The following PARN variants were observed in gnomAD, a reference collection of about 807,000 sequenced individuals.
PARN encodes the protein poly(A)-specific ribonuclease, also known as poly(A)-specific ribonuclease PARN.
In PARN, 71 loss-of-function variants were observed where a neutral mutation model predicts 102.8. That is an observed-to-expected ratio of 0.69 (90% CI 0.57 to 0.84). PARN has a LOEUF of 0.84. Ranked by LOEUF, PARN falls within the 40% of genes least tolerant of loss-of-function variation. The probability of loss-of-function intolerance (pLI) is 0.00; values close to 1 mark genes in which losing one functional copy is unlikely to be tolerated. For synonymous variants in PARN, 261 were observed against 252.9 expected (o/e 1.03, Z -0.30); for missense variants, 782 against 760.9 (o/e 1.03, Z -0.33).
At chr16:14,619,888 G>A (rs1270171881) in intron 5 of PARN, among the ~76,000 whole-genome samples, 1 of 151,598 alleles carries the variant, frequency 6.6e-6, no homozygotes, top group Non-Finnish European at 1.5e-5. Context: ...TGACCAACAT[G>A]GTGAAACCCC....
rs1449054582 is a variant in PARN at position 14,435,999 on chromosome 16, C to CAGAG, written c.*714_*717dup. 1 of 151,920 alleles carries CAGAG rather than the reference C, an allele frequency of 6.6e-6. No homozygotes were observed. The highest frequency in any genetic ancestry group is 2.4e-5 in the African/African-American group (1 of 41,260). 9.4% of individuals were successfully genotyped at this position (151,920 alleles called of 1,614,324 possible). A position where few individuals can be genotyped will look rare whatever the true frequency, so the allele number is the denominator to read the frequency against. On this transcript the variant is annotated 3_prime_UTR_variant, in exon 24 of 24. Transcript: ENST00000437198. ...CGAGACCGCCATCCAAACAAACGAA[C>CAGAG]AGAGACTCTGGAAAGTGAACACAGC...
At chr16:14,508,524 T>C (rs915712592) in intron 21 of PARN, among the ~76,000 whole-genome samples, 6 of 152,166 alleles carry the variant, frequency 3.9e-5, no homozygotes, top group African/African-American at 1.4e-4. Context: ...TGTGGGGAAA[T>C]GCAGGCTCAC....
chr16:14,453,331 G>A (rs1212639175), intron 22 of PARN, among the ~76,000 whole-genome samples: 1 of 152,106 alleles, frequency 6.6e-6, no homozygotes, highest in African/African-American at 2.4e-5. Context: ...TTTCCTTTTA[G>A]TAGAAAGAAA....
At chr16:14,507,626 T>A (rs897610913) in intron 21 of PARN, among the ~76,000 whole-genome samples, 1 of 151,596 alleles carries the variant, frequency 6.6e-6, no homozygotes, top group African/African-American at 2.4e-5. Flanking sequence ...GAGGCAGAGA[T>A]TGCAGTGAGC....
intron 21 of PARN, among the ~76,000 whole-genome samples, chr16:14,532,252 T>C (rs1399516156): frequency 2.7e-5 from 4 of 148,630 alleles, no homozygotes; most frequent in Non-Finnish European, 5.9e-5. Flanking sequence ...CATAGGACAA[T>C]AGTGAAGGGA....
intron 22 of PARN, among the ~76,000 whole-genome samples, chr16:14,449,436 C>T (rs1961351520): frequency 1.3e-5 from 2 of 152,076 alleles, no homozygotes; most frequent in African/African-American, 4.8e-5. Flanking sequence ...TGAATGCCTC[C>T]AAAATCCAGG....
At chr16:14,553,783 C>G (rs1967481241) in intron 20 of PARN, among the ~76,000 whole-genome samples, 1 of 152,178 alleles carries the variant, frequency 6.6e-6, no homozygotes, top group Non-Finnish European at 1.5e-5. Flanking sequence ...TTATGCTTAG[C>G]CACAGCTTAT....
chr16:14,580,862 CTGAT>C lies in PARN; in HGVS notation c.1262+8_1262+11del, dbSNP rs1969489986. 1 of 1,549,822 alleles carries C rather than the reference CTGAT, an allele frequency of 6.5e-7. No individual in the cohort carries two copies. The highest frequency in any genetic ancestry group is 1.7e-5 in the Admixed American group (1 of 59,792). On this transcript the variant is annotated splice_region_variant and intron_variant, in intron 18 of 23. Coordinates refer to ENST00000437198, the MANE Select transcript of PARN (RefSeq NM_002582.4). ...GAGAGAACTTGGAAACTGGAACTCT[CTGAT>C]TACTTACTTGTTAAAAAAAGGTTCA...
chr16:14,537,971 C>T (rs1204026865), intron 21 of PARN, among the ~76,000 whole-genome samples: 1 of 152,116 alleles, frequency 6.6e-6, no homozygotes, highest in African/African-American at 2.4e-5. Context: ...AACTATAATA[C>T]ATCTTTGACA....
At chr16:14,583,387 C>T (rs529177316) in intron 16 of PARN, among the ~76,000 whole-genome samples, 75 of 152,162 alleles carry the variant, frequency 4.9e-4, no homozygotes, top group Non-Finnish European at 9.1e-4. Context: ...ATACAATGCT[C>T]TTTAAGCAAG....
At chr16:14,549,998 C>T (rs953659121) in intron 21 of PARN, among the ~76,000 whole-genome samples, 8 of 152,160 alleles carry the variant, frequency 5.3e-5, no homozygotes, top group Admixed American at 1.3e-4. Flanking sequence ...CTCCTTTTAT[C>T]GGGCTGCACA....
At chr16:14,618,288 C>T (rs1349588959) in intron 5 of PARN, among the ~76,000 whole-genome samples, 1 of 151,824 alleles carries the variant, frequency 6.6e-6, no homozygotes, top group African/African-American at 2.4e-5. Context: ...GAGATCAAGA[C>T]CATCCTGGCT....
intron 5 of PARN, among the ~76,000 whole-genome samples, chr16:14,618,968 G>C (rs996931006): frequency 6.6e-6 from 1 of 152,136 alleles, no homozygotes; most frequent in Non-Finnish European, 1.5e-5. Flanking sequence ...GGCCAAATGA[G>C]GAAGATCGCT....
chr16:14,467,352 T>C (rs1962422987), intron 22 of PARN, among the ~76,000 whole-genome samples: 1 of 152,162 alleles, frequency 6.6e-6, no homozygotes, highest in Non-Finnish European at 1.5e-5. Flanking sequence ...TACCAAAAGC[T>C]GTAACATCAA....
chr16:14,537,750 T>A (rs2151681977), intron 21 of PARN, among the ~76,000 whole-genome samples: 1 of 152,124 alleles, frequency 6.6e-6, no homozygotes, highest in South Asian at 2.1e-4. Flanking sequence ...GTAGAGAGTA[T>A]AATTGGGAGT....
intron 22 of PARN, among the ~76,000 whole-genome samples, chr16:14,479,571 C>G (rs1596480595): frequency 1.3e-5 from 2 of 151,812 alleles, no homozygotes; most frequent in African/African-American, 4.8e-5. Context: ...CCAAAGAAAT[C>G]TGAAAAAGAA....
At chr16:14,465,496 T>C (rs1254314679) in intron 22 of PARN, among the ~76,000 whole-genome samples, 1 of 152,062 alleles carries the variant, frequency 6.6e-6, no homozygotes, top group Admixed American at 6.5e-5. Context: ...AGCACAAAGG[T>C]TGGGAGCTGG....
chr16:14,451,683 CCT>C (rs1209302039), intron 22 of PARN, among the ~76,000 whole-genome samples: 1 of 150,946 alleles, frequency 6.6e-6, no homozygotes, highest in Non-Finnish European at 1.5e-5. Context: ...ACGTTAATTC[CCT>C]GTGTCTTTAT....
rs1960679076 is a variant in PARN, at chr16:14,436,043, A to T, written c.*674T>A. On this transcript the variant is annotated 3_prime_UTR_variant, in exon 24 of 24. Transcript: ENST00000437198. Reference sequence around the variant, plus strand: ...ACACAGCGCCACGCATAAGAACAGAAGTTAACCTTTTTACTCGTACATCCC... The same window carrying T: ...ACACAGCGCCACGCATAAGAACAGATGTTAACCTTTTTACTCGTACATCCC... 1 of 152,312 alleles carries T rather than the reference A, an allele frequency of 6.6e-6. No individual in the cohort carries two copies. Among genetic ancestry groups the T allele is most frequent in the East Asian group, 1.9e-4 (1 of 5,192 alleles). 9.4% of individuals were successfully genotyped at this position (152,312 alleles called of 1,614,324 possible). A position where few individuals can be genotyped will look rare whatever the true frequency, so the allele number is the denominator to read the frequency against.
Sources: allele counts gnomAD v4.1 joint callset (sites outside exome capture counted in the v4.1 genomes callset), GRCh38; gene constraint gnomAD v4.1.1; transcripts MANE v1.5; gene names NCBI Gene and HGNC (gene_info 2026-07-23, HGNC 2026-07-21).